TTC39A: variants seen among roughly 807,000 people sequenced by gnomAD.
TTC39A encodes tetratricopeptide repeat protein 39A.
TTC39A carries 46 observed loss-of-function variants against 82.3 expected under a neutral mutation model. The ratio of observed to expected loss-of-function variants is 0.56; its 90% CI spans 0.44 to 0.71. The LOEUF (loss-of-function observed/expected upper bound fraction) is 0.71, where lower values mean the gene tolerates loss of function less well. TTC39A is among the 30% of genes least tolerant of loss of function. The pLI is 0.00. For missense variants in TTC39A, 543 were observed against 712.9 expected, an observed-to-expected ratio of 0.76 and a Z score of 2.71; for synonymous variants, 254 against 275.2, an observed-to-expected ratio of 0.92 and a Z score of 0.76.
rs1004217370 is a variant in TTC39A, at chr1:51,294,923, C to G, written c.1146-412G>C. On this transcript the variant is annotated intron_variant, in intron 13 of 17. Coordinates refer to ENST00000680483, the MANE Select transcript of TTC39A (RefSeq NM_001297663.2). The surrounding 1 kb of genome is among the most constrained non-coding windows in gnomAD (Gnocchi z 4.3). The stretch of plus-strand genomic sequence containing the variant: ...GGGACCTACCCAAGACCAAACAGCT[C>G]AAACCCTTAATTAACTCTTGCCTCG... Among the ~76,000 whole-genome samples the G allele has an allele frequency of 6.6e-6, 1 of 152,250 alleles. No homozygotes were observed. Among genetic ancestry groups the G allele is most frequent in the Non-Finnish European group, 1.5e-5 (1 of 68,038 alleles).
Position 51,288,441 on chromosome 1 carries a change from AG to A in TTC39A, c.1611-162del, listed in dbSNP as rs1644073195. The stretch of plus-strand genomic sequence containing the variant: ...CTACCCAATGGGAGAGTTAACCAGA[AG>A]GGTTTGTGGCCCCTCATCCCTGGTA... On this transcript the variant is annotated intron_variant, in intron 17 of 17. Transcript: ENST00000680483. This position sits in a 1 kb window ranked among gnomAD's most constrained non-coding sequence, Gnocchi z 4.8. Among the ~76,000 whole-genome samples the A allele has an allele frequency of 6.6e-6, 1 of 152,170 alleles. No homozygotes were observed. The highest frequency in any genetic ancestry group is 1.5e-5 in the Non-Finnish European group (1 of 68,026).
chr1:51,298,434 C>A (rs1316389403), intron 12 of TTC39A: 1 of 152,758 alleles, frequency 6.5e-6, no homozygotes, highest in African/African-American at 2.4e-5. Flanking sequence ...CCCCAGGCCT[C>A]TGCCTGTGCT....
intron 1 of TTC39A, chr1:51,343,210 C>A (rs184994287): frequency 1.1e-5 from 4 of 370,458 alleles, no homozygotes; most frequent in Admixed American, 8.7e-5. Context: ...GACAAATGAG[C>A]CCTGTCTCCT....
chr1:51,330,902 C>T, upstream of TTC39A: 1 of 601,280 alleles, frequency 1.7e-6, no homozygotes. The surrounding 1 kb of genome is among the most constrained non-coding windows in gnomAD (Gnocchi z 4.5). Flanking sequence ...CCACCTGAGC[C>T]GTCACCATCC....
At position 51,288,206 on chromosome 1, in the gene TTC39A, G is replaced by A. The variant is rs200400903; in HGVS notation, c.1685C>T (p.Ser562Phe). Residue 562 changes from serine to phenylalanine, a missense_variant, in exon 18 of 18, where the codon TCT (serine) becomes TTT (phenylalanine). Transcript: ENST00000680483. The surrounding 1 kb of genome is among the most constrained non-coding windows in gnomAD (Gnocchi z 4.8). ...GGATCTGCTGCTGTTCTCTAGGGAA[G>A]ACTTGGCTTGGAGTGTGGCTGCCTG... Reference protein sequence around the residue: ...RIQAATLQAKSSLENSSRSMV... With the variant: ...RIQAATLQAKFSLENSSRSMV... 136 of 1,614,060 alleles carry A rather than the reference G, an allele frequency of 8.4e-5. 1 individual carries two copies. The East Asian group carries it at 2.8e-3, about 33-fold the overall frequency.
intron 5 of TTC39A, 75 bp from the exon 6 acceptor site, chr1:51,309,400 T>C: frequency 6.2e-7 from 1 of 1,605,030 alleles, no homozygotes; most frequent in Non-Finnish European, 8.5e-7. Context: ...TGCAAGGCTC[T>C]GGGCCTGACT....
chr1:51,301,309 T>C, intron 12 of TTC39A: 1 of 389,920 alleles, frequency 2.6e-6, no homozygotes, highest in Non-Finnish European at 4.7e-6. Flanking sequence ...AAGTAGAACA[T>C]TTCTACCACA....
At chr1:51,289,627 C>T (rs529070383) in intron 16 of TTC39A, among the ~76,000 whole-genome samples, 1 of 152,310 alleles carries the variant, frequency 6.6e-6, no homozygotes, top group Admixed American at 6.5e-5. Flanking sequence ...GGGGCACCTG[C>T]TGTCCTCTCC....
intron 16 of TTC39A, 108 bp downstream of exon 16, chr1:51,289,897 T>A: frequency 1.3e-6 from 1 of 798,920 alleles, no homozygotes; most frequent in Non-Finnish European, 2.0e-6. Context: ...GTGTGGTGAG[T>A]GGGGGTTGGC....
At chr1:51,295,746 C>T in intron 13 of TTC39A, 1 of 370,168 alleles carries the variant, frequency 2.7e-6, no homozygotes, top group Admixed American at 3.6e-5. Flanking sequence ...GTTAACTCAG[C>T]AGAGTGAAAG....
At chr1:51,291,051 T>C (rs1323835825) in intron 14 of TTC39A, among the ~76,000 whole-genome samples, 1 of 152,236 alleles carries the variant, frequency 6.6e-6, no homozygotes, top group Non-Finnish European at 1.5e-5. Context: ...TCACCTTCTC[T>C]TCTACTCCTA....
Position 51,309,296 on chromosome 1 carries a change from G to A in TTC39A, c.453C>T (p.Gly151=), listed in dbSNP as rs201441175. ...QDENMVSFIK[G]GIKVRNSYQT... The stretch of plus-strand genomic sequence containing the variant: ...GGTAGCTGTTTCGAACTTTGATGCC[G>A]CCTTTGATGAAGCTCACCATGTTCT... Residue 151 remains glycine (G), a synonymous_variant, in exon 6 of 18, where the codon GGC becomes GGT. Transcript: ENST00000680483. 6.0e-5 allele frequency: 97 copies of A among 1,612,426 alleles called. No homozygotes were observed. The highest frequency in any genetic ancestry group is 5.1e-4 in the African/African-American group (38 of 74,900).
chr1:51,310,771 C>G (rs2148222374), intron 5 of TTC39A, among the ~76,000 whole-genome samples: 2 of 152,334 alleles, frequency 1.3e-5, no homozygotes, highest in Middle Eastern at 6.8e-3. Context: ...CCCCTCTCCT[C>G]TAAGTCTCCC....
chr1:51,295,763 C>G (rs1644392044), intron 13 of TTC39A: 1 of 410,126 alleles, frequency 2.4e-6, no homozygotes, highest in African/African-American at 2.0e-5. Flanking sequence ...AAAGACCTTC[C>G]CTCCCTGGAC....
At chr1:51,291,944 G>C (rs1350025860) in intron 14 of TTC39A, among the ~76,000 whole-genome samples, 1 of 152,198 alleles carries the variant, frequency 6.6e-6, no homozygotes, top group Non-Finnish European at 1.5e-5. Context: ...TGTAATTCCA[G>C]CACTTTGGGA....
At position 51,321,676 on chromosome 1, in the gene TTC39A, G is replaced by A. The variant is rs781093146; in HGVS notation, c.146+45C>T. ...TCATACAAGACCTCTGGTTCTCCCT[G>A]ACCGTCATGCACACCCCCTACCCCA... is the stretch of plus-strand genomic sequence containing the variant. On this transcript the variant is annotated intron_variant, in intron 2 of 17. Transcript: ENST00000680483. This position sits in a 1 kb window ranked among gnomAD's most constrained non-coding sequence, Gnocchi z 4.6. The A allele has an allele frequency of 7.0e-6, 11 of 1,576,032 alleles. No homozygotes were observed. The highest frequency in any genetic ancestry group is 9.6e-6 in the Non-Finnish European group (11 of 1,150,918).
chr1:51,342,707 T>A lies in TTC39A; in HGVS notation c.53+2284A>T, dbSNP rs565283806. On this transcript the variant is annotated intron_variant, in intron 1 of 5. Coordinates refer to the TTC39A transcript ENST00000401051. The stretch of plus-strand genomic sequence containing the variant: ...GTGTGGTCAACTGGGAGTAAAGAAT[T>A]CTCTGGGTATTTGTGCCCAGCAAGT... 9.5e-4 allele frequency among the ~76,000 whole-genome samples: 145 copies of A among 152,162 alleles called. 1 individual carries two copies. Among genetic ancestry groups the A allele is most frequent in the African/African-American group, 3.5e-3 (144 of 41,494 alleles).
intron 2 of TTC39A, among the ~76,000 whole-genome samples, chr1:51,318,876 TC>T (rs1341559835): frequency 5.3e-5 from 8 of 152,078 alleles, no homozygotes; most frequent in Non-Finnish European, 1.2e-4. Flanking sequence ...GGCACAGACC[TC>T]CCAGCTGGCC....
At chr1:51,338,260 G>T (rs931761382) in intron 1 of TTC39A, among the ~76,000 whole-genome samples, 1 of 152,240 alleles carries the variant, frequency 6.6e-6, no homozygotes, top group African/African-American at 2.4e-5. Flanking sequence ...CTGAATTTTG[G>T]CTTCTTCACT....
Sources: gnomAD v4.1 joint callset for allele counts (sites outside exome capture counted in the v4.1 genomes callset) on GRCh38, gnomAD v4.1.1 for gene constraint, Gnocchi (gnomAD v3.1) non-coding constraint, MANE v1.5 for transcripts, NCBI Gene and HGNC (gene_info 2026-07-23, HGNC 2026-07-21) for gene names.